SLC2A10: variants seen among roughly 807,000 people sequenced by gnomAD.
SLC2A10 encodes the protein solute carrier family 2, facilitated glucose transporter member 10.
In SLC2A10, 25 loss-of-function variants were observed where a neutral mutation model predicts 32.1. The observed-to-expected ratio is 0.78, with a 90% CI of 0.57 to 1.09. SLC2A10 has a LOEUF of 1.09. Among genes scored for constraint, SLC2A10 ranks in the 50% least tolerant of loss-of-function variants. The pLI is 0.00. For missense variants in SLC2A10, 673 were observed against 686.5 expected (o/e 0.98, Z 0.22); for synonymous variants, 332 against 309.6 (o/e 1.07, Z -0.76).
chr20:46,708,690 G>T (rs1046286617), upstream of SLC2A10, among the ~76,000 whole-genome samples: 1 of 152,186 alleles, frequency 6.6e-6, no homozygotes, highest in South Asian at 2.1e-4. Context: ...CCCTTAACCA[G>T]TTAGAACTCC....
At position 46,726,786 on chromosome 20, in the gene SLC2A10, A is replaced by G. The variant is rs1253984301; in HGVS notation, c.1289-78A>G. On this transcript the variant is annotated intron_variant, in intron 2 of 4. Coordinates refer to ENST00000359271, the MANE Select transcript of SLC2A10 (RefSeq NM_030777.4). ...GACACTAGAAAATCCCATTGTTGAG[A>G]GGCTGCATGTTTGACCTGATGGTGC... The G allele has an allele frequency of 1.4e-5, 23 of 1,586,516 alleles. No homozygotes were observed. In the African/African-American group the frequency reaches 3.0e-4, roughly 20 times the overall value.
rs1322133410 is a variant in SLC2A10 at position 46,709,726 on chromosome 20, T to A, written c.-11T>A. On this transcript the variant is annotated 5_prime_UTR_variant, in exon 1 of 5. Transcript: ENST00000359271. ...TCAGCGCCCCCAGCACGCCGCCGAG[T>A]CCCGCTCGCCATGGGTAAGTCCCGA... The A allele has an allele frequency of 2.6e-6, 4 of 1,545,752 alleles. No homozygotes were observed. The highest frequency in any genetic ancestry group is 3.5e-6 in the Non-Finnish European group (4 of 1,145,678).
chr20:46,709,619 G>A, upstream of SLC2A10: 2 of 1,333,522 alleles, frequency 1.5e-6, no homozygotes, highest in Non-Finnish European at 2.0e-6. Flanking sequence ...AGGGCAGGAG[G>A]GACAGAGGCG....
chr20:46,715,243 T>TTTG (rs1026679408), intron 1 of SLC2A10, among the ~76,000 whole-genome samples: 6 of 151,984 alleles, frequency 3.9e-5, no homozygotes, highest in Non-Finnish European at 5.9e-5. Context: ...CGTTTGTTTG[T>TTTG]TTGTTTGTTT....
intron 1 of SLC2A10, among the ~76,000 whole-genome samples, chr20:46,724,579 A>T (rs1370188367): frequency 2.6e-5 from 4 of 151,724 alleles, no homozygotes; most frequent in Non-Finnish European, 4.4e-5. Context: ...GGAAGAATGG[A>T]TGGATAGTTA....
rs529906777 is a variant in SLC2A10, at chr20:46,731,212, A to G, written c.1547+1724A>G. On this transcript the variant is annotated intron_variant, in intron 4 of 4. Transcript: ENST00000359271. ...GCTCCTTCTGTCTTGTTGCTCTGCC[A>G]CCTCTTCCATATCACCTTTCCTGCA... 2.6e-5 allele frequency among the ~76,000 whole-genome samples: 4 copies of G among 152,074 alleles called. No homozygotes were observed. In the East Asian group the frequency reaches 5.8e-4, roughly 22 times the overall value.
At chr20:46,722,179 T>C (rs548074231) in intron 1 of SLC2A10, among the ~76,000 whole-genome samples, 1 of 152,206 alleles carries the variant, frequency 6.6e-6, no homozygotes, top group Non-Finnish European at 1.5e-5. Context: ...TGTTTTCCAA[T>C]TTCCTTATCT....
chr20:46,728,192 G>A (rs182689918), intron 3 of SLC2A10, among the ~76,000 whole-genome samples: 3 of 152,178 alleles, frequency 2.0e-5, no homozygotes, highest in East Asian at 1.9e-4. Flanking sequence ...TCCTTACCCC[G>A]TCCAGCCAGG....
chr20:46,712,361 G>A (rs1978960421), intron 1 of SLC2A10, among the ~76,000 whole-genome samples: 2 of 152,148 alleles, frequency 1.3e-5, no homozygotes, highest in Non-Finnish European at 2.9e-5. Flanking sequence ...TGTCACCAAC[G>A]GGAGGCCTAG....
intron 3 of SLC2A10, among the ~76,000 whole-genome samples, chr20:46,728,092 GAGGA>G (rs1175751759): frequency 2.6e-5 from 4 of 152,126 alleles, no homozygotes; most frequent in Non-Finnish European, 5.9e-5. Flanking sequence ...ACAAGGAAGG[GAGGA>G]AGGAAGGGAG....
At chr20:46,727,028 A>G (rs367796119) in intron 3 of SLC2A10, 42 bp downstream of exon 3, 2 of 1,613,880 alleles carry the variant, frequency 1.2e-6, no homozygotes, top group African/African-American at 2.7e-5. Flanking sequence ...TCTGTGGCCC[A>G]AGCTCCCTAC....
At position 46,724,875 on chromosome 20, in the gene SLC2A10, C is replaced by CGGACGGAT. The variant is rs1555887757; in HGVS notation, c.5-163_5-162insCGGATGGA. ...TGAATTGATGGAGTGGATGGATGGA[C>CGGACGGAT]GGATGGATGGATGGATGGATGGATG... On this transcript the variant is annotated intron_variant, in intron 1 of 4. Coordinates refer to ENST00000359271, the MANE Select transcript of SLC2A10 (RefSeq NM_030777.4). Among the ~76,000 whole-genome samples the CGGACGGAT allele has an allele frequency of 2.9e-3, 401 of 139,876 alleles. 3 individuals are homozygous for CGGACGGAT. Among genetic ancestry groups the CGGACGGAT allele is most frequent in the African/African-American group, 0.01 (381 of 36,292 alleles). The allele number at this position is 139,876 out of a possible 152,430, so 91.8% of individuals were successfully genotyped here.
At position 46,725,540 on chromosome 20, in the gene SLC2A10, C is replaced by T. The variant is rs540023880; in HGVS notation, c.504C>T (p.Phe168=). Residue 168 remains phenylalanine, a synonymous_variant, in exon 2 of 5, where the codon TTC becomes TTT. Coordinates refer to ENST00000359271, the MANE Select transcript of SLC2A10 (RefSeq NM_030777.4). ...AGTPWGWRHM[F]GWATAPAVLQ... ...CCCCCTGGGGATGGAGGCACATGTT[C>T]GGCTGGGCCACTGCACCTGCTGTCC... is the stretch of plus-strand genomic sequence containing the variant. The T allele has an allele frequency of 7.4e-6, 12 of 1,614,054 alleles. No individual in the cohort carries two copies. Among genetic ancestry groups the T allele is most frequent in the Non-Finnish European group, 1.0e-5 (12 of 1,180,030 alleles).
chr20:46,725,888 C>G lies in SLC2A10; in HGVS notation c.852C>G (p.Thr284=), dbSNP rs1346841592. ...TTGGCGCAGTGAAGGTGGCAGCTAC[C>G]CTGACCGCCATGGGGCTGGTGGACC... The part of the protein sequence containing the change: ...VGLGAVKVAA[T]LTAMGLVDRA... Residue 284 remains threonine (T), a synonymous_variant, in exon 2 of 5, where the codon ACC becomes ACG. Coordinates refer to ENST00000359271, the MANE Select transcript of SLC2A10 (RefSeq NM_030777.4). 6.2e-7 allele frequency: 1 copy of G among 1,614,202 alleles called. No individual in the cohort carries two copies. Among genetic ancestry groups the G allele is most frequent in the Non-Finnish European group, 8.5e-7 (1 of 1,180,042 alleles).
intron 1 of SLC2A10, among the ~76,000 whole-genome samples, chr20:46,717,133 T>G (rs1979293273): frequency 6.6e-6 from 1 of 152,198 alleles, no homozygotes; most frequent in African/African-American, 2.4e-5. Context: ...TTATAGAAAT[T>G]TCTGTCATTG....
At chr20:46,710,943 GCT>G (rs1978876277) in intron 1 of SLC2A10, among the ~76,000 whole-genome samples, 1 of 151,504 alleles carries the variant, frequency 6.6e-6, no homozygotes, top group Admixed American at 6.6e-5. Context: ...GCGTGATCCC[GCT>G]CACTGCAACC....
rs756528831 is a variant in SLC2A10, at chr20:46,725,281, ACTT to A, written c.246_248del (p.Asn82_Leu83delinsLys). ...AGGAAGCAAGCCATCCTCGGGAGCA[ACTT>A]GGTGCTGCTGGCAGGCAGCCTGACC... On this transcript the variant is annotated inframe_deletion, in exon 2 of 5. Transcript: ENST00000359271. The A allele has an allele frequency of 6.2e-7, 1 of 1,614,166 alleles. No individual in the cohort carries two copies. Among genetic ancestry groups the A allele is most frequent in the South Asian group, 1.1e-5 (1 of 91,086 alleles).
At chr20:46,728,505 T>C (rs545146676) in intron 3 of SLC2A10, among the ~76,000 whole-genome samples, 1 of 152,210 alleles carries the variant, frequency 6.6e-6, no homozygotes, top group East Asian at 1.9e-4. Flanking sequence ...CTGTGGCTTT[T>C]GTCCTCTCTC....
chr20:46,727,010 G>A (rs767829938), intron 3 of SLC2A10, 24 bp downstream of exon 3: 19 of 1,613,514 alleles, frequency 1.2e-5, no homozygotes, highest in African/African-American at 6.7e-5. Context: ...AGACAAGTCC[G>A]TTTTTTTTCT....
Sources: allele counts gnomAD v4.1 joint callset (sites outside exome capture counted in the v4.1 genomes callset), GRCh38; gene constraint gnomAD v4.1.1; transcripts MANE v1.5; gene names NCBI Gene and HGNC (gene_info 2026-07-23, HGNC 2026-07-21).